Variants in UVRAG observed in about 807,000 individuals in gnomAD.
UVRAG encodes UV radiation resistance-associated gene protein.
Under a neutral mutation model 78.0 loss-of-function variants are expected in UVRAG, and 19 were observed. The ratio of observed to expected loss-of-function variants is 0.24; its 90% CI spans 0.17 to 0.36. UVRAG has a LOEUF of 0.36. Among genes scored for constraint, UVRAG ranks in the 10% least tolerant of loss-of-function variants. The pLI, the probability that UVRAG is intolerant of heterozygous loss-of-function variation, is 1.00. For missense variants in UVRAG, 740 were observed against 853.8 expected (o/e 0.87, Z 1.66); for synonymous variants, 323 against 324.6 (o/e 1.00, Z 0.05).
chr11:76,022,954 G>A (rs774189596), intron 12 of UVRAG, among the ~76,000 whole-genome samples: 3 of 151,438 alleles, frequency 2.0e-5, no homozygotes, highest in African/African-American at 4.9e-5. Flanking sequence ...GGTTATGATG[G>A]GATTTTAATT....
intron 3 of UVRAG, among the ~76,000 whole-genome samples, chr11:75,874,278 AAC>A (rs1354856902): frequency 4.0e-5 from 6 of 150,410 alleles, no homozygotes; most frequent in African/African-American, 1.5e-4. Context: ...AGAAAAAAAA[AAC>A]AACAACACAC....
chr11:76,041,180 T>G (rs1201784200), intron 12 of UVRAG, among the ~76,000 whole-genome samples: 2 of 151,412 alleles, frequency 1.3e-5, no homozygotes, highest in African/African-American at 2.5e-5. Flanking sequence ...AAAAGCAGAA[T>G]TAGTGTGAAT....
At chr11:75,863,815 C>T (rs1329618347) in intron 3 of UVRAG, among the ~76,000 whole-genome samples, 1 of 152,148 alleles carries the variant, frequency 6.6e-6, no homozygotes, top group Non-Finnish European at 1.5e-5. Flanking sequence ...TAATTGTTTT[C>T]CGAATGTACC....
intron 2 of UVRAG, among the ~76,000 whole-genome samples, chr11:75,857,800 T>C (rs949727469): frequency 2.6e-4 from 40 of 151,972 alleles, no homozygotes; most frequent in African/African-American, 9.2e-4. Context: ...TTTTTTTTTT[T>C]CCTTTCAATT....
In UVRAG at chr11:75,860,793, C is replaced by T. The variant is rs111778047; in HGVS notation, c.236-953C>T. On this transcript the variant is annotated intron_variant, in intron 2 of 14. Coordinates refer to ENST00000356136, the MANE Select transcript of UVRAG (RefSeq NM_003369.4). ...CGTGCAATTTCTTTTCTTTTCTTTTCTTTTTTTTTTTTAGATGGAGTCTCA... is the reference window on the plus strand; with the variant it reads ...CGTGCAATTTCTTTTCTTTTCTTTTTTTTTTTTTTTTTAGATGGAGTCTCA... Among the ~76,000 whole-genome samples, 696 of 144,158 alleles carry T rather than the reference C, an allele frequency of 4.8e-3. 5 individuals carry two copies. Among genetic ancestry groups the T allele is most frequent in the African/African-American group, 0.017 (655 of 39,578 alleles). The allele number at this position is 144,158 out of a possible 152,430, so 94.6% of individuals were successfully genotyped here.
At chr11:75,816,606 C>T (rs1201963829) in intron 1 of UVRAG, among the ~76,000 whole-genome samples, 1 of 152,188 alleles carries the variant, frequency 6.6e-6, no homozygotes, top group Non-Finnish European at 1.5e-5. Context: ...TGAGGCTTGT[C>T]CAGAGCCTTC....
chr11:75,975,303 G>A (rs1474967144), intron 7 of UVRAG, among the ~76,000 whole-genome samples: 1 of 152,174 alleles, frequency 6.6e-6, no homozygotes, highest in Admixed American at 6.5e-5. Flanking sequence ...GTATTGTGAT[G>A]CCTCTAGTTT....
chr11:76,112,897 T>G (rs781501015), intron 13 of UVRAG, among the ~76,000 whole-genome samples: 54 of 152,064 alleles, frequency 3.6e-4, no homozygotes, highest in Non-Finnish European at 5.6e-4. Context: ...CGGATAATTT[T>G]TTGTACTTTT....
At chr11:75,829,111 C>G (rs73489936) in intron 1 of UVRAG, among the ~76,000 whole-genome samples, 7,713 of 152,024 alleles carry the variant, frequency 0.051, 678 homozygotes, top group African/African-American at 0.18. Context: ...TATTGCCCAA[C>G]GTCAGGCTGA....
intron 8 of UVRAG, among the ~76,000 whole-genome samples, chr11:76,002,859 T>C (rs1029495523): frequency 5.3e-5 from 8 of 152,118 alleles, no homozygotes; most frequent in African/African-American, 1.7e-4. Flanking sequence ...GCGGATGGCT[T>C]GAGCTCAGGA....
At chr11:75,833,965 G>A (rs1945720136) in intron 1 of UVRAG, among the ~76,000 whole-genome samples, 1 of 152,358 alleles carries the variant, frequency 6.6e-6, no homozygotes, top group East Asian at 1.9e-4. Context: ...CATGTCACTA[G>A]TGCTGCAGAG....
chr11:76,083,210 T>C (rs781590591), intron 13 of UVRAG, among the ~76,000 whole-genome samples: 14 of 152,254 alleles, frequency 9.2e-5, no homozygotes, highest in Non-Finnish European at 1.9e-4. Context: ...GTTTTTGTTA[T>C]TATCCTCATT....
chr11:76,048,015 T>C (rs1475030770), intron 12 of UVRAG, among the ~76,000 whole-genome samples: 1 of 152,214 alleles, frequency 6.6e-6, no homozygotes, highest in Non-Finnish European at 1.5e-5. Context: ...CAGCAAGCAC[T>C]TAGAAAAGCT....
At chr11:75,848,955 G>A (rs1394566937) in intron 1 of UVRAG, among the ~76,000 whole-genome samples, 2 of 152,042 alleles carry the variant, frequency 1.3e-5, no homozygotes. Flanking sequence ...GAGGCAGGTC[G>A]ATCACCTGAG....
At chr11:76,077,755 C>T (rs1347883766) in intron 13 of UVRAG, among the ~76,000 whole-genome samples, 2 of 152,136 alleles carry the variant, frequency 1.3e-5, no homozygotes, top group African/African-American at 2.4e-5. Flanking sequence ...TTCAGGAGAC[C>T]GTACTTGCTG....
At chr11:75,923,022 A>G (rs1051937356) in intron 6 of UVRAG, among the ~76,000 whole-genome samples, 11 of 146,154 alleles carry the variant, frequency 7.5e-5, no homozygotes, top group Non-Finnish European at 1.2e-4. Flanking sequence ...ATATATATAT[A>G]TGTTCGTTTT....
intron 5 of UVRAG, among the ~76,000 whole-genome samples, chr11:75,893,884 CTG>C (rs1947280438): frequency 6.6e-6 from 1 of 151,696 alleles, no homozygotes; most frequent in South Asian, 2.1e-4. Flanking sequence ...GAGTCTCACT[CTG>C]TTGCCCAGTC....
intron 13 of UVRAG, among the ~76,000 whole-genome samples, chr11:76,110,767 A>G (rs1180903463): frequency 3.9e-5 from 6 of 152,188 alleles, no homozygotes; most frequent in Admixed American, 2.6e-4. Flanking sequence ...TGCCAGAGTA[A>G]TGAGTACTGT....
At chr11:75,954,702 T>C (rs1171598818) in intron 6 of UVRAG, among the ~76,000 whole-genome samples, 1 of 152,246 alleles carries the variant, frequency 6.6e-6, no homozygotes, top group Non-Finnish European at 1.5e-5. Context: ...ATTCTGTGCT[T>C]AGCATTTGGA....
Sources: allele counts gnomAD v4.1 joint callset (sites outside exome capture counted in the v4.1 genomes callset), GRCh38; gene constraint gnomAD v4.1.1; transcripts MANE v1.5; gene names NCBI Gene and HGNC (gene_info 2026-07-23, HGNC 2026-07-21).